Variants in ARFGEF1 observed in about 807,000 individuals in gnomAD.
ARFGEF1 encodes the protein brefeldin A-inhibited guanine nucleotide-exchange protein 1.
A neutral mutation model predicts 231.0 loss-of-function variants in ARFGEF1; 42 were observed. The observed-to-expected ratio is 0.18, with a 90% CI of 0.14 to 0.24. ARFGEF1 has a LOEUF of 0.24. Ranked by LOEUF, ARFGEF1 falls within the 10% of genes least tolerant of loss-of-function variation. The probability of loss-of-function intolerance (pLI) is 1.00; values close to 1 mark genes in which losing one functional copy is unlikely to be tolerated. For missense variants in ARFGEF1, 1,345 were observed against 2,192.0 expected, an observed-to-expected ratio of 0.61 and a Z score of 7.72; for synonymous variants, 710 against 732.3, an observed-to-expected ratio of 0.97 and a Z score of 0.49.
At chr8:67,329,506 G>T (rs986592257) in intron 1 of ARFGEF1, among the ~76,000 whole-genome samples, 6 of 150,864 alleles carry the variant, frequency 4.0e-5, no homozygotes, top group Non-Finnish European at 7.4e-5. Context: ...TCCAGCCTGG[G>T]CGACAGAGTA....
At chr8:67,185,852 G>A (rs1834431055) in intron 5 of ARFGEF1, among the ~76,000 whole-genome samples, 1 of 152,072 alleles carries the variant, frequency 6.6e-6, no homozygotes, top group Non-Finnish European at 1.5e-5. Context: ...GAATGGAAAA[G>A]ACTCAAAAGC....
At chr8:67,174,294 G>C (rs930665085), downstream of ARFGEF1, 1 of 151,866 alleles carries the variant, frequency 6.6e-6, no homozygotes, top group African/African-American at 2.4e-5. Context: ...TCACTATTTT[G>C]TTCTTTTGAT....
chr8:67,190,852 C>A, intron 5 of ARFGEF1: 1 of 879,132 alleles, frequency 1.1e-6, no homozygotes, highest in Non-Finnish European at 1.9e-6. Context: ...CAATAAAGAG[C>A]ACTTGCTTGA....
chr8:67,186,356 C>CAGACATGGAAATGGTGGGG (rs1224436584), intron 5 of ARFGEF1, among the ~76,000 whole-genome samples: 1 of 149,732 alleles, frequency 6.7e-6, no homozygotes, highest in East Asian at 2.0e-4. Flanking sequence ...TAGTGGTGGT[C>CAGACATGGAAATGGTGGGG]AGACATGGAA....
At chr8:67,227,001 A>G in intron 27 of ARFGEF1, 136 bp downstream of exon 27, 1 of 719,188 alleles carries the variant, frequency 1.4e-6, no homozygotes, top group Non-Finnish European at 2.1e-6. Context: ...AATTGTTTTT[A>G]TTTACTCTGG....
chr8:67,243,083 TG>T (rs1231006226), intron 19 of ARFGEF1, among the ~76,000 whole-genome samples: 1 of 152,218 alleles, frequency 6.6e-6, no homozygotes, highest in Non-Finnish European at 1.5e-5. Flanking sequence ...GCCTGGAACC[TG>T]GGGGGTAATC....
intron 7 of ARFGEF1, among the ~76,000 whole-genome samples, chr8:67,280,226 G>T (rs1455988290): frequency 2.0e-5 from 3 of 152,220 alleles, no homozygotes; most frequent in African/African-American, 7.2e-5. Flanking sequence ...GGTGCTATGA[G>T]GTAAGAGGGA....
At chr8:67,306,431 A>G (rs1806747786) in intron 1 of ARFGEF1, among the ~76,000 whole-genome samples, 1 of 152,232 alleles carries the variant, frequency 6.6e-6, no homozygotes, top group African/African-American at 2.4e-5. Flanking sequence ...AAGGCACAGG[A>G]CACATTTAAT....
In ARFGEF1 at chr8:67,301,336, G is replaced by T. The variant is rs1324212767; in HGVS notation, c.200C>A (p.Pro67Gln). Residue 67 changes from proline (P) to glutamine (Q), a missense_variant, in exon 3 of 39, where the codon CCA (proline) becomes CAA (glutamine). Physicochemically the swap from Pro to Gln is moderately conservative, Grantham distance 76. Transcript: ENST00000262215. ...AATAAAATTTGTCTTTGATTTCACT[G>T]GTGGAAGGGTGCTTGATCCAGCTTT... ...EAKAGSSTLP[P>Q]VKSKTNFIEA... The T allele has an allele frequency of 5.6e-6, 9 of 1,613,980 alleles. No homozygotes were observed. Among genetic ancestry groups the T allele is most frequent in the Non-Finnish European group, 7.6e-6 (9 of 1,179,982 alleles).
rs1006496500 is a variant in ARFGEF1 at position 67,295,947 on chromosome 8, C to T, written c.639+484G>A. On this transcript the variant is annotated intron_variant, in intron 5 of 38. Coordinates refer to ENST00000262215, the MANE Select transcript of ARFGEF1 (RefSeq NM_006421.5). Reference sequence around the variant, plus strand: ...TAGTGAAGACTTATGCATTTAAAAACAATTCTCTAGTTGCTGATCTCTTAA... The same window carrying T: ...TAGTGAAGACTTATGCATTTAAAAATAATTCTCTAGTTGCTGATCTCTTAA... 8.6e-4 allele frequency among the ~76,000 whole-genome samples: 131 copies of T among 152,138 alleles called. 3 individuals are homozygous for T. The highest frequency in any genetic ancestry group is 1.3e-4 in the Admixed American group (2 of 15,272).
chr8:67,244,276 C>CA (rs71249427), intron 19 of ARFGEF1, among the ~76,000 whole-genome samples: 67,491 of 67,628 alleles, frequency 1, 33,680 homozygotes, highest in Middle Eastern at 1. Context: ...AAACATTCGA[C>CA]TACTGAGTCT....
chr8:67,327,901 ATTG>A (rs1807912074), intron 1 of ARFGEF1, among the ~76,000 whole-genome samples: 1 of 152,212 alleles, frequency 6.6e-6, no homozygotes, highest in Non-Finnish European at 1.5e-5. Context: ...TCAATCCTAT[ATTG>A]TTGACTACTT....
intron 4 of ARFGEF1, among the ~76,000 whole-genome samples, chr8:67,297,686 T>C (rs1406356375): frequency 6.6e-6 from 1 of 152,240 alleles, no homozygotes. Context: ...GCAAAGACTC[T>C]TATCTTTTGT....
chr8:67,279,334 G>T (rs1258261308), intron 7 of ARFGEF1, among the ~76,000 whole-genome samples: 4 of 151,894 alleles, frequency 2.6e-5, no homozygotes, highest in Non-Finnish European at 5.9e-5. Context: ...TTTAACACAG[G>T]CTCCCTGTCT....
intron 9 of ARFGEF1, among the ~76,000 whole-genome samples, chr8:67,274,562 C>G (rs1253358889): frequency 6.6e-6 from 1 of 151,988 alleles, no homozygotes; most frequent in Non-Finnish European, 1.5e-5. Flanking sequence ...CTTTTCAAAA[C>G]CAGATCACTC....
chr8:67,306,485 T>C lies in ARFGEF1; in HGVS notation c.125-4019A>G, dbSNP rs977139550. 5.9e-5 allele frequency among the ~76,000 whole-genome samples: 9 copies of C among 152,344 alleles called. No homozygotes were observed. In the East Asian group the frequency reaches 1.3e-3, roughly 23 times the overall value. On this transcript the variant is annotated intron_variant, in intron 1 of 38. Transcript: ENST00000262215. ...TTTTAAACTGAGTATATGCGAGTTA[T>C]ACCTGATCTCCTAAGTATATTAAAC...
chr8:67,310,741 C>T (rs1372159492), intron 1 of ARFGEF1, among the ~76,000 whole-genome samples: 24 of 151,904 alleles, frequency 1.6e-4, no homozygotes, highest in East Asian at 5.9e-4. Flanking sequence ...CGCCTCTGCC[C>T]GGCCGCGACC....
intron 19 of ARFGEF1, among the ~76,000 whole-genome samples, chr8:67,243,816 G>C (rs1840006905): frequency 6.6e-6 from 1 of 152,124 alleles, no homozygotes; most frequent in Non-Finnish European, 1.5e-5. Flanking sequence ...CTTTCTGACA[G>C]AGAATTCAAA....
At chr8:67,327,086 C>T (rs1807867959) in intron 1 of ARFGEF1, among the ~76,000 whole-genome samples, 1 of 152,150 alleles carries the variant, frequency 6.6e-6, no homozygotes, top group African/African-American at 2.4e-5. Flanking sequence ...GGTTGACTTG[C>T]TTGTAAATAA....
Sources: gnomAD v4.1 joint callset for allele counts (sites outside exome capture counted in the v4.1 genomes callset) on GRCh38, gnomAD v4.1.1 for gene constraint, MANE v1.5 for transcripts, NCBI Gene and HGNC (gene_info 2026-07-23, HGNC 2026-07-21) for gene names.